The following DSCAM variants were observed in gnomAD, a reference collection of about 807,000 sequenced individuals.
The protein encoded by DSCAM is cell adhesion molecule DSCAM.
Under a neutral mutation model 217.7 loss-of-function variants are expected in DSCAM, and 47 were observed. The observed-to-expected ratio is 0.22, with a 90% CI of 0.17 to 0.28. The LOEUF (loss-of-function observed/expected upper bound fraction) is 0.28, where lower values mean the gene tolerates loss of function less well. Ranked by LOEUF, DSCAM falls within the 10% of genes least tolerant of loss-of-function variation. The pLI, the probability that DSCAM is intolerant of heterozygous loss-of-function variation, is 1.00. For synonymous variants in DSCAM, 1,056 were observed against 1,015.3 expected (o/e 1.04, Z -0.76); for missense variants, 2,080 against 2,618.3 (o/e 0.79, Z 4.49).
intron 3 of DSCAM, among the ~76,000 whole-genome samples, chr21:40,531,918 G>C (rs990237175): frequency 6.6e-6 from 1 of 152,152 alleles, no homozygotes; most frequent in Non-Finnish European, 1.5e-5. Flanking sequence ...TGCTGGGCTT[G>C]GGGAGGACAC....
At chr21:40,019,511 T>C (rs1286003911) in intron 32 of DSCAM, among the ~76,000 whole-genome samples, 1 of 152,240 alleles carries the variant, frequency 6.6e-6, no homozygotes, top group Non-Finnish European at 1.5e-5. Context: ...GATTAAGGAA[T>C]CTGTTTCCAC....
At chr21:40,835,461 T>A (rs1435428029) in intron 1 of DSCAM, among the ~76,000 whole-genome samples, 1 of 152,188 alleles carries the variant, frequency 6.6e-6, no homozygotes, top group Non-Finnish European at 1.5e-5. Flanking sequence ...AAACTATTAT[T>A]GTAAAGAGAC....
chr21:40,265,362 TG>T lies in DSCAM; in HGVS notation c.2356+10734del, dbSNP rs368166410. ...AAAGAAATCATAGATGACAAACAAA[TG>T]GAAAAACATCCCATGTTCATAGATT... On this transcript the variant is annotated intron_variant, in intron 11 of 32. Transcript: ENST00000400454. 1.0e-3 allele frequency among the ~76,000 whole-genome samples: 156 copies of T among 151,960 alleles called. 1 individual carries two copies. The highest frequency in any genetic ancestry group is 8.7e-3 in the South Asian group (42 of 4,816).
chr21:40,570,582 G>C (rs1211577120), intron 3 of DSCAM, among the ~76,000 whole-genome samples: 1 of 152,220 alleles, frequency 6.6e-6, no homozygotes, highest in Non-Finnish European at 1.5e-5. Flanking sequence ...AAATGGCCCA[G>C]ATGTTTGATT....
At chr21:40,839,212 A>C (rs1264312755) in intron 1 of DSCAM, among the ~76,000 whole-genome samples, 1 of 152,210 alleles carries the variant, frequency 6.6e-6, no homozygotes, top group African/African-American at 2.4e-5. Context: ...TGTCTGCCCG[A>C]CACAGACTGA....
chr21:40,586,125 G>A (rs1168342165), intron 3 of DSCAM, among the ~76,000 whole-genome samples: 2 of 152,134 alleles, frequency 1.3e-5, no homozygotes, highest in Non-Finnish European at 2.9e-5. Context: ...CCAAACTGCT[G>A]GGATTATAGA....
At chr21:40,173,891 C>T (rs1284516760) in intron 15 of DSCAM, among the ~76,000 whole-genome samples, 1 of 152,172 alleles carries the variant, frequency 6.6e-6, no homozygotes, top group African/African-American at 2.4e-5. Flanking sequence ...TTTCAATGAG[C>T]ACCCACTAAT....
At chr21:40,079,932 CT>C (rs1341627396) in intron 25 of DSCAM, among the ~76,000 whole-genome samples, 17 of 152,180 alleles carry the variant, frequency 1.1e-4, no homozygotes, top group African/African-American at 3.6e-4. Context: ...AACTGACATT[CT>C]TCTTTTTAAC....
intron 20 of DSCAM, among the ~76,000 whole-genome samples, chr21:40,102,353 C>T (rs935059162): frequency 2.9e-4 from 44 of 152,196 alleles, no homozygotes; most frequent in African/African-American, 1.0e-3. Flanking sequence ...TGGGATAAAT[C>T]TTGTGACACC....
intron 11 of DSCAM, among the ~76,000 whole-genome samples, chr21:40,226,801 T>G (rs2091336999): frequency 6.6e-6 from 1 of 152,204 alleles, no homozygotes; most frequent in African/African-American, 2.4e-5. Context: ...ATTATGCAGG[T>G]AAACTTGTGT....
At chr21:40,736,445 T>C (rs1478125862) in intron 1 of DSCAM, among the ~76,000 whole-genome samples, 1 of 152,184 alleles carries the variant, frequency 6.6e-6, no homozygotes, top group Non-Finnish European at 1.5e-5. Flanking sequence ...TATCACAGGC[T>C]GGGCAGCTCA....
chr21:40,296,648 A>G (rs1271647550), intron 9 of DSCAM, among the ~76,000 whole-genome samples: 1 of 151,980 alleles, frequency 6.6e-6, no homozygotes, highest in Non-Finnish European at 1.5e-5. Context: ...TCTGACCAAC[A>G]CGGAGAAACC....
At chr21:40,224,537 A>G (rs1473814684) in intron 11 of DSCAM, among the ~76,000 whole-genome samples, 3 of 152,198 alleles carry the variant, frequency 2.0e-5, no homozygotes, top group African/African-American at 7.2e-5. Flanking sequence ...TATGATGGGG[A>G]AAGACTGCTT....
intron 1 of DSCAM, among the ~76,000 whole-genome samples, chr21:40,821,456 A>G (rs1483696807): frequency 6.6e-6 from 1 of 151,800 alleles, no homozygotes; most frequent in Non-Finnish European, 1.5e-5. Context: ...CCTCTTCTCA[A>G]ACTGCAGGAC....
intron 3 of DSCAM, among the ~76,000 whole-genome samples, chr21:40,489,848 C>A (rs2076062253): frequency 6.7e-6 from 1 of 149,874 alleles, no homozygotes; most frequent in African/African-American, 2.5e-5. Context: ...AGACATCTTC[C>A]ATCCCCTAAA....
chr21:40,397,042 C>G (rs2123766096), intron 3 of DSCAM, among the ~76,000 whole-genome samples: 1 of 152,284 alleles, frequency 6.6e-6, no homozygotes, highest in Non-Finnish European at 1.5e-5. Flanking sequence ...TTCCCTAATT[C>G]CTGTTTTCCC....
intron 1 of DSCAM, among the ~76,000 whole-genome samples, chr21:40,739,901 T>A (rs2091105449): frequency 6.8e-6 from 1 of 146,980 alleles, no homozygotes; most frequent in Non-Finnish European, 1.5e-5. Context: ...CAGTCCATCA[T>A]CACAAGTGGA....
At chr21:40,542,241 C>T (rs569196209) in intron 3 of DSCAM, among the ~76,000 whole-genome samples, 3 of 152,268 alleles carry the variant, frequency 2.0e-5, no homozygotes, top group East Asian at 1.9e-4. Context: ...CTATACATAT[C>T]GTTGGGAATG....
intron 3 of DSCAM, among the ~76,000 whole-genome samples, chr21:40,389,932 G>A (rs1353369029): frequency 6.6e-6 from 1 of 152,220 alleles, no homozygotes; most frequent in Non-Finnish European, 1.5e-5. Flanking sequence ...CGTATTGTGT[G>A]GTCAGAGCTA....
Sources: allele counts gnomAD v4.1 joint callset (sites outside exome capture counted in the v4.1 genomes callset), GRCh38; gene constraint gnomAD v4.1.1; transcripts MANE v1.5; gene names NCBI Gene and HGNC (gene_info 2026-07-23, HGNC 2026-07-21).